APPL1: variants seen among roughly 807,000 people sequenced by gnomAD.
APPL1 encodes adaptor protein, phosphotyrosine interacting with PH domain and leucine zipper 1.
In APPL1, 42 loss-of-function variants were observed where a neutral mutation model predicts 106.8. The ratio of observed to expected loss-of-function variants is 0.39; its 90% CI spans 0.31 to 0.51. APPL1 has a LOEUF of 0.51. Among genes scored for constraint, APPL1 ranks in the 20% least tolerant of loss-of-function variants. The pLI is 0.75. For synonymous variants in APPL1, 263 were observed against 281.8 expected (o/e 0.93, Z 0.67); for missense variants, 769 against 858.2 (o/e 0.90, Z 1.30).
intron 19 of APPL1, among the ~76,000 whole-genome samples, chr3:57,263,087 A>T (rs970413177): frequency 2.7e-5 from 4 of 149,644 alleles, no homozygotes; most frequent in Non-Finnish European, 6.0e-5. Context: ...TCGACCTCAG[A>T]TGATCCGCCT....
rs2060905975 is a variant in APPL1 at position 57,268,002 on chromosome 3, A to G, written c.1893+210A>G. Reference sequence around the variant, plus strand: ...AGCTACTGAGGAGGTCTGAGGCACGAGAATGACTTGAATCCGGGAGGCGGA... The same window carrying G: ...AGCTACTGAGGAGGTCTGAGGCACGGGAATGACTTGAATCCGGGAGGCGGA... On this transcript the variant is annotated intron_variant, in intron 20 of 21. Transcript: ENST00000288266. The G allele has an allele frequency of 6.8e-6, 4 of 585,108 alleles. 1 individual carries two copies. In the South Asian group the frequency reaches 8.2e-5, roughly 12 times the overall value. The allele number at this position is 585,108 out of a possible 1,614,324, so 36.2% of individuals were successfully genotyped here.
In APPL1 at chr3:57,235,582, G is replaced by C; in HGVS notation, c.71G>C (p.Gly24Ala). ...EDSPQTRSLL[G>A]VFEEDATAIS... ...TTTATACAGACAAGGTCTTTACTAGGTGTATTTGAAGAAGATGCCACAGCT... is the reference window on the plus strand; with the variant it reads ...TTTATACAGACAAGGTCTTTACTAGCTGTATTTGAAGAAGATGCCACAGCT... The change falls in exon 2 of 22, where the codon GGT (glycine) becomes GCT (alanine). Residue 24 changes from glycine to alanine, a missense_variant. Transcript: ENST00000288266. The C allele has an allele frequency of 6.2e-7, 1 of 1,609,242 alleles. No homozygotes were observed. Among genetic ancestry groups the C allele is most frequent in the Middle Eastern group, 1.7e-4 (1 of 6,044 alleles).
chr3:57,234,549 C>T (rs901419955), intron 1 of APPL1, among the ~76,000 whole-genome samples: 27 of 152,182 alleles, frequency 1.8e-4, no homozygotes, highest in Admixed American at 3.3e-4. Context: ...CCACCCGCCT[C>T]GGCCTCCCAA....
rs757406557 is a variant in APPL1 at position 57,247,372 on chromosome 3, T to G, written c.622-23T>G. On this transcript the variant is annotated intron_variant, in intron 8 of 21. Transcript: ENST00000288266. ...TTAATCTATTTTTGTATTGTTCAAT[T>G]CCCCCCACTCCCCACTCTCCAGATA... 5 of 1,413,234 alleles carry G rather than the reference T, an allele frequency of 3.5e-6. No individual in the cohort carries two copies. The African/African-American group carries it at 7.1e-5, about 20-fold the overall frequency. 87.5% of individuals were successfully genotyped at this position (1,413,234 alleles called of 1,614,324 possible). A position where few individuals can be genotyped will look rare whatever the true frequency, so the allele number is the denominator to read the frequency against.
At position 57,269,520 on chromosome 3, in the gene APPL1, CTT is replaced by C; in HGVS notation, c.1984-16_1984-15del. ...TGACTGCAGACAAGTAACTTAGTTT[CTT>C]TTTTGTCTTTTCCACTAGGACTTGG... On this transcript the variant is annotated intron_variant, in intron 21 of 21. Coordinates refer to ENST00000288266, the MANE Select transcript of APPL1 (RefSeq NM_012096.3). 3.1e-6 allele frequency: 5 copies of C among 1,609,918 alleles called. No individual in the cohort carries two copies. The highest frequency in any genetic ancestry group is 4.2e-6 in the Non-Finnish European group (5 of 1,178,220).
chr3:57,232,453 T>G (rs1244497463), intron 1 of APPL1, among the ~76,000 whole-genome samples: 2 of 152,082 alleles, frequency 1.3e-5, no homozygotes, highest in Non-Finnish European at 2.9e-5. Context: ...GTGTAGTCTC[T>G]CAGTGTTCAA....
intron 19 of APPL1, among the ~76,000 whole-genome samples, chr3:57,264,264 G>T (rs933361776): frequency 2.6e-5 from 4 of 152,130 alleles, no homozygotes; most frequent in Non-Finnish European, 4.4e-5. Flanking sequence ...TGAGCTCTTT[G>T]TATATTCTGG....
rs374362658 is a variant in APPL1 at position 57,270,975 on chromosome 3, C to T, written c.*1288C>T. 2.5e-4 allele frequency: 38 copies of T among 152,122 alleles called. 4 individuals are homozygous for T. The highest frequency in any genetic ancestry group is 2.2e-3 in the Admixed American group (33 of 15,288). The allele number at this position is 152,122 out of a possible 1,614,324, so 9.4% of individuals were successfully genotyped here. A position where few individuals can be genotyped will look rare whatever the true frequency, so the allele number is the denominator to read the frequency against. ...ATTTTTTTTCTGTAATCACTTTTAA[C>T]ACTGCTAATAGAAATTATGTTTTCA... On this transcript the variant is annotated 3_prime_UTR_variant, in exon 22 of 22. Coordinates refer to ENST00000288266, the MANE Select transcript of APPL1 (RefSeq NM_012096.3).
At chr3:57,244,250 G>A (rs1470281685) in intron 7 of APPL1, among the ~76,000 whole-genome samples, 2 of 151,840 alleles carry the variant, frequency 1.3e-5, no homozygotes, top group Non-Finnish European at 2.9e-5. Flanking sequence ...CCGCCTCCTG[G>A]GTTCAAGTGA....
intron 7 of APPL1, among the ~76,000 whole-genome samples, chr3:57,243,261 T>A (rs1370224733): frequency 6.6e-6 from 1 of 152,196 alleles, no homozygotes; most frequent in Admixed American, 6.5e-5. Flanking sequence ...TGAGATAGAG[T>A]GGTCACACAC....
At chr3:57,265,708 T>G (rs2060891333) in intron 19 of APPL1, among the ~76,000 whole-genome samples, 1 of 152,076 alleles carries the variant, frequency 6.6e-6, no homozygotes, top group African/African-American at 2.4e-5. Flanking sequence ...CAAGGATAGT[T>G]TGACTTCTTC....
In APPL1 at chr3:57,240,570, A is replaced by G. The variant is rs751012757; in HGVS notation, c.373+18A>G. On this transcript the variant is annotated intron_variant, in intron 5 of 21. Coordinates refer to ENST00000288266, the MANE Select transcript of APPL1 (RefSeq NM_012096.3). ...TCTGAAAGGTATTGAAGTCAAGCTT[A>G]TGTTTACTTTCATTGGCTGTGAGAT... 5 of 1,594,820 alleles carry G rather than the reference A, an allele frequency of 3.1e-6. No homozygotes were observed. Among genetic ancestry groups the G allele is most frequent in the Admixed American group, 1.7e-5 (1 of 59,904 alleles).
chr3:57,267,598 G>A (rs1241988056), intron 19 of APPL1, 144 bp from the exon 20 acceptor site: 6 of 692,386 alleles, frequency 8.7e-6, no homozygotes, highest in Non-Finnish European at 1.5e-5. Flanking sequence ...TGGTTTGGGG[G>A]CTTGAGCATT....
intron 1 of APPL1, among the ~76,000 whole-genome samples, chr3:57,229,318 T>C (rs1464814495): frequency 6.6e-6 from 1 of 152,198 alleles, no homozygotes; most frequent in Non-Finnish European, 1.5e-5. Context: ...CTTTCTTCTC[T>C]TACTTGGCTT....
At chr3:57,230,515 CTTAACA>C (rs1171271392) in intron 1 of APPL1, among the ~76,000 whole-genome samples, 2 of 151,912 alleles carry the variant, frequency 1.3e-5, no homozygotes. Flanking sequence ...CTGCTTTTAA[CTTAACA>C]TTATCACTTA....
Position 57,231,860 on chromosome 3 carries a change from A to T in APPL1, c.55-3706A>T, listed in dbSNP as rs187655838. 3.6e-3 allele frequency among the ~76,000 whole-genome samples: 551 copies of T among 151,892 alleles called. 5 individuals carry two copies. The highest frequency in any genetic ancestry group is 5.8e-3 in the Non-Finnish European group (391 of 67,968). The stretch of plus-strand genomic sequence containing the variant: ...GAGTGATGGAAGACTATCCTGAATT[A>T]CAGTTACCCTTCTTTTAGTTTTGAT... On this transcript the variant is annotated intron_variant, in intron 1 of 21. Coordinates refer to ENST00000288266, the MANE Select transcript of APPL1 (RefSeq NM_012096.3).
At chr3:57,269,347 C>T (rs1045834422) in intron 21 of APPL1, 194 bp from the exon 22 acceptor site, 1 of 492,524 alleles carries the variant, frequency 2.0e-6, no homozygotes, top group Non-Finnish European at 3.5e-6. Flanking sequence ...TGAATGCTGG[C>T]TTTTATAGGA....
At chr3:57,262,043 C>T (rs1156389431) in intron 19 of APPL1, among the ~76,000 whole-genome samples, 1 of 152,032 alleles carries the variant, frequency 6.6e-6, no homozygotes, top group Non-Finnish European at 1.5e-5. Context: ...TTTCATATAC[C>T]TGTTGGCTGT....
chr3:57,271,333 T>G lies in APPL1; in HGVS notation c.*1646T>G, dbSNP rs1328614901. 1 of 152,620 alleles carries G rather than the reference T, an allele frequency of 6.6e-6. No individual in the cohort carries two copies. 9.5% of individuals were successfully genotyped at this position (152,620 alleles called of 1,614,324 possible). On this transcript the variant is annotated 3_prime_UTR_variant, in exon 22 of 22. Coordinates refer to ENST00000288266, the MANE Select transcript of APPL1 (RefSeq NM_012096.3). ...GGTGTAATGTTTATTTACTGATGCTTTATGTTACCAAAACATACAGTAAAA... is the reference window on the plus strand; with the variant it reads ...GGTGTAATGTTTATTTACTGATGCTGTATGTTACCAAAACATACAGTAAAA...
Sources: gnomAD v4.1 joint callset for allele counts (sites outside exome capture counted in the v4.1 genomes callset) on GRCh38, gnomAD v4.1.1 for gene constraint, MANE v1.5 for transcripts, NCBI Gene and HGNC (gene_info 2026-07-23, HGNC 2026-07-21) for gene names.